Variants in SULT2B1 observed in about 807,000 individuals in gnomAD.
The protein encoded by SULT2B1 is sulfotransferase family 2B member 1.
SULT2B1 carries 16 observed loss-of-function variants against 33.2 expected under a neutral mutation model. The ratio of observed to expected loss-of-function variants is 0.48; its 90% CI spans 0.33 to 0.73. The LOEUF (loss-of-function observed/expected upper bound fraction) is 0.73. Ranked by LOEUF, SULT2B1 falls within the 30% of genes least tolerant of loss-of-function variation. SULT2B1 has a pLI of 0.02. For missense variants in SULT2B1, 500 were observed against 506.0 expected (o/e 0.99, Z 0.11); for synonymous variants, 186 against 200.5 (o/e 0.93, Z 0.61).
intron 2 of SULT2B1, among the ~76,000 whole-genome samples, chr19:48,577,350 G>GTTTT (rs1568408872): frequency 4.7e-5 from 2 of 42,716 alleles, no homozygotes; most frequent in African/African-American, 1.7e-4. Flanking sequence ...CCACTGAGCC[G>GTTTT]TCTTTTTTTT....
At chr19:48,586,296 G>A (rs1047151584) in intron 2 of SULT2B1, among the ~76,000 whole-genome samples, 14 of 152,330 alleles carry the variant, frequency 9.2e-5, no homozygotes, top group Admixed American at 2.6e-4. Flanking sequence ...CTGAAGCCAA[G>A]TTTGTTTCTT....
intron 3 of SULT2B1, chr19:48,591,080 G>C (rs1211258466): frequency 1.3e-5 from 2 of 152,480 alleles, no homozygotes; most frequent in East Asian, 3.8e-4. Context: ...TTATCCTCCT[G>C]TCTCGTCCTC....
At chr19:48,557,704 G>A (rs918509231) in intron 1 of SULT2B1, among the ~76,000 whole-genome samples, 10 of 151,934 alleles carry the variant, frequency 6.6e-5, no homozygotes, top group Non-Finnish European at 1.5e-4. Context: ...ATCACCTGAG[G>A]TCGATAGTTG....
intron 2 of SULT2B1, among the ~76,000 whole-genome samples, chr19:48,578,462 G>T (rs2032572290): frequency 6.6e-6 from 1 of 151,948 alleles, no homozygotes; most frequent in Admixed American, 6.6e-5. Flanking sequence ...TATGCCTGTA[G>T]TTCCAGCTAC....
chr19:48,584,440 T>C (rs1019126276), intron 2 of SULT2B1, among the ~76,000 whole-genome samples: 15 of 152,202 alleles, frequency 9.9e-5, no homozygotes, highest in African/African-American at 3.6e-4. Context: ...CCCATCCTCA[T>C]TCAGTGTTCC....
chr19:48,569,836 T>C (rs1398570375), intron 1 of SULT2B1, among the ~76,000 whole-genome samples: 1 of 151,802 alleles, frequency 6.6e-6, no homozygotes. Context: ...CTGGCTAATT[T>C]TGTATTTTTA....
intron 2 of SULT2B1, among the ~76,000 whole-genome samples, chr19:48,579,515 C>G (rs756151562): frequency 2.0e-4 from 30 of 151,928 alleles, no homozygotes; most frequent in Non-Finnish European, 3.5e-4. Flanking sequence ...ATCTCCTGAC[C>G]TCATGATCCA....
At chr19:48,574,148 C>T (rs1305101220) in intron 1 of SULT2B1, among the ~76,000 whole-genome samples, 2 of 152,216 alleles carry the variant, frequency 1.3e-5, no homozygotes, top group East Asian at 3.8e-4. Flanking sequence ...AGGTGCAAGC[C>T]ACTGCGCCCA....
intron 1 of SULT2B1, among the ~76,000 whole-genome samples, chr19:48,565,063 A>G (rs1601090377): frequency 3.3e-5 from 5 of 152,120 alleles, no homozygotes; most frequent in Admixed American, 3.3e-4. Context: ...TGCTGGGATT[A>G]CAGGAATAAG....
intron 2 of SULT2B1, among the ~76,000 whole-genome samples, chr19:48,577,352 CTTTTTTT>C (rs1209521675): frequency 3.1e-3 from 96 of 30,646 alleles, no homozygotes; most frequent in Non-Finnish European, 4.2e-3. Context: ...ACTGAGCCGT[CTTTTTTT>C]TTTTTTTTTT....
At chr19:48,575,199 C>T (rs1973387687) in intron 1 of SULT2B1, among the ~76,000 whole-genome samples, 1 of 135,194 alleles carries the variant, frequency 7.4e-6, no homozygotes, top group African/African-American at 2.8e-5. Context: ...ACCTCCACTT[C>T]TTGGATTCAA....
At chr19:48,570,634 G>A (rs533720130) in intron 1 of SULT2B1, among the ~76,000 whole-genome samples, 2 of 151,448 alleles carry the variant, frequency 1.3e-5, no homozygotes, top group East Asian at 1.9e-4. Context: ...TGTAGATGTT[G>A]GTTTGAACAT....
intron 1 of SULT2B1, among the ~76,000 whole-genome samples, chr19:48,555,433 C>A (rs1973085347): frequency 6.6e-6 from 1 of 152,048 alleles, no homozygotes. Context: ...ACGCTTGTTC[C>A]CTGCCACAGT....
intron 1 of SULT2B1, among the ~76,000 whole-genome samples, chr19:48,567,145 G>T (rs149636563): frequency 2.0e-5 from 3 of 152,156 alleles, no homozygotes; most frequent in Non-Finnish European, 4.4e-5. Context: ...GTTGTTTCTG[G>T]CCTCTCTTGG....
At chr19:48,554,499 A>G (rs1973069369) in intron 1 of SULT2B1, among the ~76,000 whole-genome samples, 1 of 110,308 alleles carries the variant, frequency 9.1e-6, no homozygotes, top group South Asian at 3.2e-4. Flanking sequence ...GCCCCAGCTC[A>G]GGCCTCCTCA....
Position 48,592,575 on chromosome 19 carries a change from A to G in SULT2B1, c.551-147A>G, listed in dbSNP as rs900119605. ...TTGGAAGAGCCCCAGAACTTGGTGGAAATGTGGGGGCTCTGGGGGAGGGCA... is the reference window on the plus strand; with the variant it reads ...TTGGAAGAGCCCCAGAACTTGGTGGGAATGTGGGGGCTCTGGGGGAGGGCA... On this transcript the variant is annotated intron_variant, in intron 4 of 6. Transcript: ENST00000201586. 7.7e-6 allele frequency: 5 copies of G among 652,810 alleles called. No homozygotes were observed. The African/African-American group carries it at 9.2e-5, about 12-fold the overall frequency. 40.4% of individuals were successfully genotyped at this position (652,810 alleles called of 1,614,324 possible).
chr19:48,592,120 C>T (rs567101515), intron 4 of SULT2B1, among the ~76,000 whole-genome samples: 42 of 152,032 alleles, frequency 2.8e-4, no homozygotes, highest in South Asian at 1.7e-3. Context: ...GGTGAAACCC[C>T]GTCTCTACTA....
intron 1 of SULT2B1, among the ~76,000 whole-genome samples, chr19:48,574,153 C>T (rs143261593): frequency 3.3e-5 from 5 of 152,326 alleles, no homozygotes; most frequent in Non-Finnish European, 5.9e-5. Context: ...CAAGCCACTG[C>T]GCCCAGCCCT....
intron 2 of SULT2B1, among the ~76,000 whole-genome samples, chr19:48,585,794 C>T (rs1043111952): frequency 4.6e-5 from 7 of 152,006 alleles, no homozygotes; most frequent in African/African-American, 1.2e-4. Context: ...CTAACCTGCA[C>T]GTTGTGCACA....
Sources: allele counts gnomAD v4.1 joint callset (sites outside exome capture counted in the v4.1 genomes callset), GRCh38; gene constraint gnomAD v4.1.1; transcripts MANE v1.5; gene names NCBI Gene and HGNC (gene_info 2026-07-23, HGNC 2026-07-21).